Variants in MAP4K3 observed in about 807,000 individuals in gnomAD.
MAP4K3 encodes mitogen-activated protein kinase kinase kinase kinase 3, also known as MAPK/ERK kinase kinase kinase 3.
In MAP4K3, 94 loss-of-function variants were observed where a neutral mutation model predicts 143.5. That is an observed-to-expected ratio of 0.65 (90% CI 0.55 to 0.78). The LOEUF (loss-of-function observed/expected upper bound fraction) is 0.78. MAP4K3 is among the 30% of genes least tolerant of loss of function. MAP4K3 has a pLI of 0.00. For synonymous variants in MAP4K3, 416 were observed against 347.2 expected (o/e 1.20, Z -2.20); for missense variants, 1,077 against 1,068.1 (o/e 1.01, Z -0.12).
intron 1 of MAP4K3, among the ~76,000 whole-genome samples, chr2:39,394,630 A>G (rs933848761): frequency 3.9e-5 from 6 of 152,192 alleles, no homozygotes; most frequent in South Asian, 2.1e-4. Context: ...TCAGTCAGCC[A>G]AGTATCAAAA....
intron 1 of MAP4K3, among the ~76,000 whole-genome samples, chr2:39,419,894 G>C (rs1487767450): frequency 6.6e-6 from 1 of 152,222 alleles, no homozygotes; most frequent in African/African-American, 2.4e-5. Context: ...TGACGGGATA[G>C]AAGATGGTGG....
rs922160320 is a variant in MAP4K3 at position 39,373,842 on chromosome 2, G to A, written c.154+4224C>T. On this transcript the variant is annotated intron_variant, in intron 2 of 33. Coordinates refer to ENST00000263881, the MANE Select transcript of MAP4K3 (RefSeq NM_003618.4). Reference sequence around the variant, plus strand: ...AGAAGGGATTTGGAGATGGTTAATTGGTACAAAAAATTAGAAAGAATGAAT... The same window carrying A: ...AGAAGGGATTTGGAGATGGTTAATTAGTACAAAAAATTAGAAAGAATGAAT... Among the ~76,000 whole-genome samples the A allele has an allele frequency of 1.3e-5, 2 of 151,964 alleles. 1 individual carries two copies. The highest frequency in any genetic ancestry group is 3.8e-4 in the East Asian group (2 of 5,198).
intron 3 of MAP4K3, among the ~76,000 whole-genome samples, chr2:39,345,760 A>C (rs1214837394): frequency 1.3e-5 from 2 of 151,946 alleles, no homozygotes; most frequent in African/African-American, 4.8e-5. Context: ...TCTACTAAAA[A>C]TACAAGAAGA....
At position 39,258,401 on chromosome 2, in the gene MAP4K3, G is replaced by T. The variant is rs1240033163; in HGVS notation, c.2417C>A (p.Ser806Tyr). The T allele has an allele frequency of 1.9e-6, 3 of 1,611,104 alleles. No individual in the cohort carries two copies. The highest frequency in any genetic ancestry group is 2.5e-6 in the Non-Finnish European group (3 of 1,178,736). Residue 806 changes from serine (S) to tyrosine (Y), a missense_variant, in exon 31 of 34, where the codon TCT becomes TAT. By Grantham distance (144) the Ser-to-Tyr change is moderately radical (BLOSUM62 -2). Transcript: ENST00000263881. ...KIVNLQGRLKSSRKLSSELTF... is the reference protein window; with the variant it reads ...KIVNLQGRLKYSRKLSSELTF... ...GAGTTCTGATGACAATTTCCTGCTAGATTTTAATCTTCCTTGGAGATTTAC... is the reference window on the plus strand; with the variant it reads ...GAGTTCTGATGACAATTTCCTGCTATATTTTAATCTTCCTTGGAGATTTAC...
chr2:39,338,560 A>T (rs1331836267), intron 4 of MAP4K3, among the ~76,000 whole-genome samples: 7 of 152,200 alleles, frequency 4.6e-5, no homozygotes, highest in African/African-American at 1.7e-4. Flanking sequence ...GGAATCATAC[A>T]ATTCTGAAAC....
At chr2:39,358,227 CT>C (rs2148555333) in intron 2 of MAP4K3, among the ~76,000 whole-genome samples, 1 of 152,266 alleles carries the variant, frequency 6.6e-6, no homozygotes, top group African/African-American at 2.4e-5. Context: ...GTATTGAGCA[CT>C]TTTATTATAT....
chr2:39,277,351 A>G (rs1681307145), intron 24 of MAP4K3, among the ~76,000 whole-genome samples: 1 of 152,170 alleles, frequency 6.6e-6, no homozygotes, highest in South Asian at 2.1e-4. Flanking sequence ...TTTAAGGTCC[A>G]TCTCAAATGC....
chr2:39,376,956 G>A (rs892281046), intron 2 of MAP4K3, among the ~76,000 whole-genome samples: 18 of 152,106 alleles, frequency 1.2e-4, no homozygotes, highest in Non-Finnish European at 2.1e-4. Context: ...GTCTTGCGAT[G>A]TTTAGAATAT....
chr2:39,260,518 GT>G, intron 29 of MAP4K3, 87 bp downstream of exon 29: 1 of 1,083,656 alleles, frequency 9.2e-7, no homozygotes, highest in Non-Finnish European at 1.3e-6. Context: ...AGTATATGCA[GT>G]TTTTCCTTAG....
intron 31 of MAP4K3, 87 bp from the exon 32 acceptor site, chr2:39,254,607 A>T (rs887991639): frequency 1.1e-6 from 1 of 916,642 alleles, no homozygotes; most frequent in Non-Finnish European, 1.7e-6. Context: ...TCATACAGCA[A>T]TATTTCAATT....
intron 31 of MAP4K3, among the ~76,000 whole-genome samples, chr2:39,257,796 C>CAAAAA (rs1285158564): frequency 1.7e-5 from 1 of 59,646 alleles, no homozygotes; most frequent in Non-Finnish European, 3.6e-5. Context: ...CACTCCATCT[C>CAAAAA]AAAAAAAAAA....
intron 1 of MAP4K3, among the ~76,000 whole-genome samples, chr2:39,420,868 C>T (rs767496422): frequency 6.6e-6 from 1 of 152,164 alleles, no homozygotes; most frequent in African/African-American, 2.4e-5. Context: ...TATTTCCCTA[C>T]GGGTTCCTTC....
intron 1 of MAP4K3, among the ~76,000 whole-genome samples, chr2:39,423,081 A>T (rs1474073957): frequency 2.6e-5 from 4 of 151,296 alleles, no homozygotes; most frequent in South Asian, 2.1e-4. Flanking sequence ...ATTCAACAAT[A>T]AAAAAAAATC....
chr2:39,345,036 A>G (rs531522351), intron 3 of MAP4K3, among the ~76,000 whole-genome samples: 3 of 152,282 alleles, frequency 2.0e-5, no homozygotes, highest in Non-Finnish European at 4.4e-5. Flanking sequence ...CCAAAAAATC[A>G]AGTACTAAGA....
chr2:39,354,461 T>C (rs975574396), intron 3 of MAP4K3, among the ~76,000 whole-genome samples: 5 of 149,326 alleles, frequency 3.3e-5, no homozygotes, highest in Non-Finnish European at 5.9e-5. Context: ...AATAAATAAA[T>C]AAATAATTTA....
intron 1 of MAP4K3, among the ~76,000 whole-genome samples, chr2:39,435,801 G>C (rs1451516225): frequency 6.6e-6 from 1 of 152,196 alleles, no homozygotes; most frequent in Non-Finnish European, 1.5e-5. Context: ...GAAAAGTGAT[G>C]AGATCCACGA....
chr2:39,323,217 A>G (rs753225681), intron 12 of MAP4K3: 8 of 152,196 alleles, frequency 5.3e-5, no homozygotes, highest in Non-Finnish European at 1.0e-4. Flanking sequence ...TACTTACCAT[A>G]GAGATTTGTA....
intron 1 of MAP4K3, among the ~76,000 whole-genome samples, chr2:39,399,678 C>T (rs1666902337): frequency 6.6e-6 from 1 of 152,206 alleles, no homozygotes; most frequent in Admixed American, 6.5e-5. Context: ...CAGGGTCAGA[C>T]AAGCCTGGCA....
intron 3 of MAP4K3, among the ~76,000 whole-genome samples, chr2:39,345,690 C>A (rs962098956): frequency 2.0e-5 from 3 of 151,818 alleles, no homozygotes; most frequent in Non-Finnish European, 4.4e-5. Context: ...GAGGCCGAGG[C>A]GGGCGGATCA....
Sources: allele counts gnomAD v4.1 joint callset (sites outside exome capture counted in the v4.1 genomes callset), GRCh38; gene constraint gnomAD v4.1.1; transcripts MANE v1.5; gene names NCBI Gene and HGNC (gene_info 2026-07-23, HGNC 2026-07-21).